PCDHGC3: variants seen among roughly 807,000 people sequenced by gnomAD.
PCDHGC3 encodes protocadherin gamma-C3.
In PCDHGC3, 26 loss-of-function variants were observed where a neutral mutation model predicts 59.2. The ratio of observed to expected loss-of-function variants is 0.44; its 90% CI spans 0.32 to 0.61. The LOEUF is 0.61. PCDHGC3 is among the 20% of genes least tolerant of loss of function. The pLI, the probability that PCDHGC3 is intolerant of heterozygous loss-of-function variation, is 0.05. For missense variants in PCDHGC3, 1,080 were observed against 1,221.8 expected (o/e 0.88, Z 1.73); for synonymous variants, 487 against 519.7 (o/e 0.94, Z 0.86).
At chr5:141,497,807 T>G (rs2099779585) in intron 2 of PCDHGC3, among the ~76,000 whole-genome samples, 1 of 152,210 alleles carries the variant, frequency 6.6e-6, no homozygotes, top group African/African-American at 2.4e-5. Context: ...CCCAAAGTGC[T>G]AGAATTACAG....
chr5:141,498,078 G>A (rs1165770641), intron 2 of PCDHGC3, among the ~76,000 whole-genome samples: 6 of 152,194 alleles, frequency 3.9e-5, no homozygotes, highest in African/African-American at 1.4e-4. Flanking sequence ...ATAAGTGCTA[G>A]GTAGAATTGT....
rs771124496 is a variant in PCDHGC3, at chr5:141,489,457, C to T, written c.2431-5350C>T. The T allele has an allele frequency of 1.2e-5, 19 of 1,613,882 alleles. No homozygotes were observed. The highest frequency in any genetic ancestry group is 6.7e-5 in the African/African-American group (5 of 74,896). Reference sequence around the variant, plus strand: ...GCAATTGGGCTCTGAGGAGAATGGGCGCTATTTTTCCCTGAGCTTGATGAG... The same window carrying T: ...GCAATTGGGCTCTGAGGAGAATGGGTGCTATTTTTCCCTGAGCTTGATGAG... On this transcript the variant is annotated intron_variant, in intron 1 of 3. Coordinates refer to ENST00000308177, the MANE Select transcript of PCDHGC3 (RefSeq NM_002588.4). The surrounding 1 kb of genome is among the most constrained non-coding windows in gnomAD (Gnocchi z 4.5).
chr5:141,477,845 G>A lies in PCDHGC3; in HGVS notation c.1729G>A (p.Val577Met), dbSNP rs1164464559. The change falls in exon 1 of 4, where the codon GTG (valine) becomes ATG (methionine). Residue 577 changes from valine (V) to methionine (M), a missense_variant. By Grantham distance (21) the Val-to-Met change is conservative (BLOSUM62 1). Transcript: ENST00000308177. This position sits in a 1 kb window ranked among gnomAD's most constrained non-coding sequence, Gnocchi z 4.9. ...ATATCCTCGGCCAGGTGGGAGCTCGGTGGAGATGCTGCCTCGAGGTACCTC... is the reference window on the plus strand; with the variant it reads ...ATATCCTCGGCCAGGTGGGAGCTCGATGGAGATGCTGCCTCGAGGTACCTC... ...VLYPRPGGSS[V>M]EMLPRGTSAG... is the part of the protein sequence containing the mutation. 11 of 1,614,040 alleles carry A rather than the reference G, an allele frequency of 6.8e-6. No individual in the cohort carries two copies. The highest frequency in any genetic ancestry group is 9.3e-6 in the Non-Finnish European group (11 of 1,180,036).
At chr5:141,505,650 T>C (rs1595974645) in intron 3 of PCDHGC3, among the ~76,000 whole-genome samples, 169 bp downstream of exon 3, 1 of 152,094 alleles carries the variant, frequency 6.6e-6, no homozygotes, top group East Asian at 1.9e-4. Flanking sequence ...GAATTGTGGC[T>C]AAGGAACAGC....
In PCDHGC3 at chr5:141,487,678, C is replaced by T. The variant is rs1416406108; in HGVS notation, c.2431-7129C>T. ...ATTCTGATCCAGGCATATGGCTAGG[C>T]CATGTCCTAGAGAGTACTGGCCTCT... On this transcript the variant is annotated intron_variant, in intron 1 of 3. Transcript: ENST00000308177. The surrounding 1 kb of genome is among the most constrained non-coding windows in gnomAD (Gnocchi z 5.0). 6.2e-7 allele frequency: 1 copy of T among 1,609,696 alleles called. No individual in the cohort carries two copies. Among genetic ancestry groups the T allele is most frequent in the South Asian group, 1.1e-5 (1 of 90,230 alleles).
rs1187072972 is a variant in PCDHGC3 at position 141,487,553 on chromosome 5, C to T, written c.2431-7254C>T. 4 of 1,614,050 alleles carry T rather than the reference C, an allele frequency of 2.5e-6. No individual in the cohort carries two copies. The African/African-American group carries it at 4.0e-5, about 16-fold the overall frequency. On this transcript the variant is annotated intron_variant, in intron 1 of 3. Coordinates refer to ENST00000308177, the MANE Select transcript of PCDHGC3 (RefSeq NM_002588.4). The surrounding 1 kb of genome is among the most constrained non-coding windows in gnomAD (Gnocchi z 5.0). ...CATGATGGTGAAGTCACCCAGTGCA[C>T]CTATGGCAGGGGAGCCTGTTCGCCC...
chr5:141,494,173 G>C (rs554811420), intron 1 of PCDHGC3, among the ~76,000 whole-genome samples: 2 of 152,304 alleles, frequency 1.3e-5, no homozygotes, highest in South Asian at 2.1e-4. Flanking sequence ...CTAGGGGTGA[G>C]AAGTGTCCCG....
At chr5:141,501,569 G>A (rs1401631416) in intron 2 of PCDHGC3, among the ~76,000 whole-genome samples, 3 of 151,998 alleles carry the variant, frequency 2.0e-5, no homozygotes, top group African/African-American at 7.2e-5. Flanking sequence ...AATCATATTA[G>A]GCTGGCTTTC....
rs748803155 is a variant in PCDHGC3, at chr5:141,490,087, G to A, written c.2431-4720G>A. On this transcript the variant is annotated intron_variant, in intron 1 of 3. Coordinates refer to ENST00000308177, the MANE Select transcript of PCDHGC3 (RefSeq NM_002588.4). The surrounding 1 kb of genome is among the most constrained non-coding windows in gnomAD (Gnocchi z 5.4). ...CGGCCAACTAGACTATTCTTTTGGA[G>A]ACCACACATCTGAGGCAGTGCGGAA... 2.5e-6 allele frequency: 4 copies of A among 1,614,244 alleles called. No homozygotes were observed. The highest frequency in any genetic ancestry group is 1.3e-5 in the African/African-American group (1 of 75,068).
At chr5:141,509,069 G>T (rs1463164307) in intron 3 of PCDHGC3, among the ~76,000 whole-genome samples, 1 of 152,174 alleles carries the variant, frequency 6.6e-6, no homozygotes, top group Non-Finnish European at 1.5e-5. Flanking sequence ...CTCAGCTCCG[G>T]GGATTTGCGA....
Position 141,476,934 on chromosome 5 carries a change from A to G in PCDHGC3, c.818A>G (p.Glu273Gly), listed in dbSNP as rs199685528. The change falls in exon 1 of 4, where the codon GAA becomes GGA. Residue 273 changes from glutamate (E) to glycine (G), a missense_variant. Physicochemically the swap from Glu to Gly is moderately conservative, Grantham distance 98 (BLOSUM62 -2). Transcript: ENST00000308177. The surrounding 1 kb of genome is among the most constrained non-coding windows in gnomAD (Gnocchi z 7.6). ...VVQVLATDLD[E>G]GPNGEIIYSF... ...CAAGTCCTTGCAACGGATCTGGATG[A>G]AGGCCCCAACGGTGAAATTATTTAC... 255 of 1,614,164 alleles carry G rather than the reference A, an allele frequency of 1.6e-4. 3 individuals carry two copies. In the South Asian group the frequency reaches 2.6e-3, roughly 16 times the overall value.
chr5:141,479,631 A>G (rs191955216), intron 1 of PCDHGC3: 1 of 152,282 alleles, frequency 6.6e-6, no homozygotes, highest in Non-Finnish European at 1.5e-5. Context: ...TCTCTTTAAC[A>G]ATAACAACAA....
intron 1 of PCDHGC3, among the ~76,000 whole-genome samples, chr5:141,481,863 G>A (rs182704348): frequency 8.8e-4 from 130 of 147,602 alleles, no homozygotes; most frequent in African/African-American, 3.3e-3. Flanking sequence ...GCAGTGAGCC[G>A]AGATCGCGCC....
intron 3 of PCDHGC3, among the ~76,000 whole-genome samples, chr5:141,510,691 T>C (rs1013489554): frequency 4.6e-5 from 7 of 152,138 alleles, no homozygotes; most frequent in African/African-American, 1.7e-4. Flanking sequence ...GGAGGTTAGG[T>C]AGACTTGCCC....
Position 141,476,852 on chromosome 5 carries a change from C to T in PCDHGC3, c.736C>T (p.Gln246Ter). 6.2e-7 allele frequency: 1 copy of T among 1,613,828 alleles called. No homozygotes were observed. Among genetic ancestry groups the T allele is most frequent in the Non-Finnish European group, 8.5e-7 (1 of 1,180,044 alleles). ...DANDNAPVFN[Q>*]SLYRARVLED... ...GAATGACAATGCGCCTGTCTTCAAC[C>T]AGTCCTTGTACCGGGCGCGCGTCCT... Residue 246 changes from glutamine (Q) to a stop codon, truncating the protein, a stop_gained, in exon 1 of 4, where the codon CAG becomes TAG. Coordinates refer to ENST00000308177, the MANE Select transcript of PCDHGC3 (RefSeq NM_002588.4). LOFTEE classifies it high-confidence loss of function. This position sits in a 1 kb window ranked among gnomAD's most constrained non-coding sequence, Gnocchi z 7.6.
chr5:141,482,103 A>C (rs34394498), intron 1 of PCDHGC3, among the ~76,000 whole-genome samples: 2 of 142,250 alleles, frequency 1.4e-5, no homozygotes, highest in Non-Finnish European at 3.0e-5. Flanking sequence ...AAAAAAAAAA[A>C]AATATCTAGA....
Position 141,483,506 on chromosome 5 carries a change from T to A in PCDHGC3, c.2430+4960T>A, listed in dbSNP as rs964063329. ...AGGGACAGGGATGAGTCAAGGCTGA[T>A]CCCCCTAGATCCTGACTAAGGAAGC... On this transcript the variant is annotated intron_variant, in intron 1 of 3. Coordinates refer to ENST00000308177, the MANE Select transcript of PCDHGC3 (RefSeq NM_002588.4). Among the ~76,000 whole-genome samples the A allele has an allele frequency of 2.7e-5, 4 of 148,396 alleles. No individual in the cohort carries two copies. In the South Asian group the frequency reaches 8.5e-4, roughly 32 times the overall value.
At position 141,478,376 on chromosome 5, in the gene PCDHGC3, C is replaced by T; in HGVS notation, c.2260C>T (p.Pro754Ser). 2.5e-6 allele frequency: 4 copies of T among 1,613,672 alleles called. No individual in the cohort carries two copies. The highest frequency in any genetic ancestry group is 3.4e-6 in the Non-Finnish European group (4 of 1,180,018). The change falls in exon 1 of 4, where the codon CCG becomes TCG. Residue 754 changes from proline to serine, a missense_variant. Pro to Ser is a moderately conservative substitution (Grantham distance 74). Transcript: ENST00000308177. Reference sequence around the variant, plus strand: ...CGCCGTGCGGGGAGGCCTGATGTCGCCGCACCTTTACCATCAGGTGTATCT... The same window carrying T: ...CGCCGTGCGGGGAGGCCTGATGTCGTCGCACCTTTACCATCAGGTGTATCT... ...ADAVRGGLMS[P>S]HLYHQVYLTT...
chr5:141,476,557 C>T lies in PCDHGC3; in HGVS notation c.441C>T (p.Ala147=). The change falls in exon 1 of 4, where the codon GCC becomes GCT. Residue 147 remains alanine (A), a synonymous_variant. Coordinates refer to ENST00000308177, the MANE Select transcript of PCDHGC3 (RefSeq NM_002588.4). This position sits in a 1 kb window ranked among gnomAD's most constrained non-coding sequence, Gnocchi z 7.6. ...AAATGAAATTGGAGATTAGCGAGGC[C>T]GTGGCTCCGGGGACGCGCTTTCCGC... The part of the protein sequence containing the change: ...TQEMKLEISE[A]VAPGTRFPLE... The T allele has an allele frequency of 1.2e-6, 2 of 1,614,222 alleles. No homozygotes were observed. The highest frequency in any genetic ancestry group is 1.3e-5 in the African/African-American group (1 of 75,060).
Sources: gnomAD v4.1 joint callset for allele counts (sites outside exome capture counted in the v4.1 genomes callset) on GRCh38, gnomAD v4.1.1 for gene constraint, Gnocchi (gnomAD v3.1) non-coding constraint, MANE v1.5 for transcripts, NCBI Gene and HGNC (gene_info 2026-07-23, HGNC 2026-07-21) for gene names.